The following GNA13 variants were observed in gnomAD, a reference collection of about 807,000 sequenced individuals.
The protein encoded by GNA13 is guanine nucleotide-binding protein subunit alpha-13.
In GNA13, 4 loss-of-function variants were observed where a neutral mutation model predicts 33.5. The observed-to-expected ratio is 0.12, with a 90% confidence interval of 0.06 to 0.27. The LOEUF is 0.27. GNA13 is among the 10% of genes least tolerant of loss of function. The pLI is 1.00. For missense variants in GNA13, 319 were observed against 487.2 expected (o/e 0.65, Z 3.25); for synonymous variants, 176 against 183.8 (o/e 0.96, Z 0.34).
rs1906221096 is a variant in GNA13 at position 65,012,348 on chromosome 17, A to G, written c.*1909T>C. ...GAATAGTCCAAATGTTACTGTGCAC[A>G]TATTCCGATATTCATTAGCACTGCA... On this transcript the variant is annotated 3_prime_UTR_variant, in exon 4 of 4. Transcript: ENST00000439174. The G allele has an allele frequency of 4.5e-6, 1 of 223,202 alleles. No homozygotes were observed. The allele number at this position is 223,202 out of a possible 1,614,324, so 13.8% of individuals were successfully genotyped here.
intron 2 of GNA13, among the ~76,000 whole-genome samples, chr17:65,025,526 C>T (rs892734983): frequency 6.6e-6 from 1 of 152,072 alleles, no homozygotes; most frequent in African/African-American, 2.4e-5. Flanking sequence ...TGCTGAGAAG[C>T]GCGGATGGGA....
intron 2 of GNA13, among the ~76,000 whole-genome samples, chr17:65,052,795 A>G (rs1056581978): frequency 6.6e-6 from 1 of 152,226 alleles, no homozygotes; most frequent in Non-Finnish European, 1.5e-5. Context: ...TTGGGAGGTC[A>G]AAGTGGGCAC....
rs1906183430 is a variant in GNA13 at position 65,011,373 on chromosome 17, GC to G, written c.*2883del. The G allele has an allele frequency of 5.1e-6, 1 of 196,302 alleles. No homozygotes were observed. Among genetic ancestry groups the G allele is most frequent in the Non-Finnish European group, 1.1e-5 (1 of 94,590 alleles). The allele number at this position is 196,302 out of a possible 1,614,324, so 12.2% of individuals were successfully genotyped here. A position where few individuals can be genotyped will look rare whatever the true frequency, so the allele number is the denominator to read the frequency against. On this transcript the variant is annotated 3_prime_UTR_variant, in exon 4 of 4. Coordinates refer to ENST00000439174, the MANE Select transcript of GNA13 (RefSeq NM_006572.6). ...TCATTCCATATTGCTTTCTTTGGTT[GC>G]AGAGCAATCCAGTGCCCTTTCCAGA...
Position 65,014,147 on chromosome 17 carries a change from T to C in GNA13, c.*110A>G, listed in dbSNP as rs756929176. On this transcript the variant is annotated 3_prime_UTR_variant, in exon 4 of 4. Transcript: ENST00000439174. The surrounding 1 kb of genome is among the most constrained non-coding windows in gnomAD (Gnocchi z 5.3). The stretch of plus-strand genomic sequence containing the variant: ...ACTAAGATTTTCAAGAAGTTAAACG[T>C]AGAATTAAGATTGTTCTAATTCTGG... 1.8e-4 allele frequency: 122 copies of C among 667,686 alleles called. No individual in the cohort carries two copies. Among genetic ancestry groups the C allele is most frequent in the Non-Finnish European group, 3.1e-4 (119 of 389,138 alleles). The allele number at this position is 667,686 out of a possible 1,614,324, so 41.4% of individuals were successfully genotyped here. A position where few individuals can be genotyped will look rare whatever the true frequency, so the allele number is the denominator to read the frequency against.
intron 2 of GNA13, among the ~76,000 whole-genome samples, chr17:65,018,853 G>A (rs759116465): frequency 3.3e-5 from 5 of 152,114 alleles, no homozygotes; most frequent in Non-Finnish European, 5.9e-5. Context: ...GTCTTTTCCC[G>A]AGTGGCCTAT....
chr17:65,038,179 C>T (rs1273199261), intron 2 of GNA13, among the ~76,000 whole-genome samples: 3 of 152,088 alleles, frequency 2.0e-5, no homozygotes, highest in Non-Finnish European at 4.4e-5. Context: ...CCGAGGCAGA[C>T]AGATCACAAG....
chr17:65,028,151 G>A (rs548752688), intron 2 of GNA13, among the ~76,000 whole-genome samples: 4 of 152,312 alleles, frequency 2.6e-5, no homozygotes, highest in Admixed American at 6.5e-5. Context: ...GCGTGAACCC[G>A]GGAGGCGGAG....
chr17:65,031,754 G>C (rs951463245), intron 2 of GNA13, among the ~76,000 whole-genome samples: 1 of 151,980 alleles, frequency 6.6e-6, no homozygotes, highest in African/African-American at 2.4e-5. Flanking sequence ...TTTTAAAAGA[G>C]ACCTAAGAGT....
chr17:65,056,251 A>ACCCCCCCCCC, intron 1 of GNA13, 60 bp downstream of exon 1: 5 of 740,726 alleles, frequency 6.8e-6, no homozygotes, highest in African/African-American at 1.9e-5. Context: ...CCCGCCCCGC[A>ACCCCCCCCCC]CCCGCCGCCG....
intron 2 of GNA13, among the ~76,000 whole-genome samples, chr17:65,027,311 C>T (rs1414635790): frequency 3.5e-5 from 3 of 85,272 alleles, no homozygotes; most frequent in Non-Finnish European, 7.9e-5. Context: ...ACCCCTCCCC[C>T]GCCTTTTTTT....
intron 2 of GNA13, among the ~76,000 whole-genome samples, chr17:65,035,389 T>G (rs1431456444): frequency 1.3e-5 from 2 of 152,162 alleles, no homozygotes; most frequent in Non-Finnish European, 2.9e-5. Flanking sequence ...GATATAAAGT[T>G]GTACAGAAAG....
intron 2 of GNA13, among the ~76,000 whole-genome samples, chr17:65,020,378 G>A (rs542377747): frequency 1.3e-5 from 2 of 152,204 alleles, no homozygotes; most frequent in African/African-American, 4.8e-5. Flanking sequence ...TGGTTCAATG[G>A]ATAACCAACC....
At chr17:65,039,530 G>A (rs1046528201) in intron 2 of GNA13, among the ~76,000 whole-genome samples, 3 of 152,168 alleles carry the variant, frequency 2.0e-5, no homozygotes, top group Non-Finnish European at 4.4e-5. Context: ...CCTGGATCAC[G>A]TTTTCTGACC....
intron 1 of GNA13, 29 bp downstream of exon 1, chr17:65,056,273 CTGCCCTTAA>C (rs1908055153): frequency 9.8e-6 from 14 of 1,428,172 alleles, no homozygotes; most frequent in Non-Finnish European, 1.2e-5. Context: ...CCCAGCCCCC[CTGCCCTTAA>C]CCCCCGGCCC....
chr17:65,029,638 G>A (rs1906929344), intron 2 of GNA13, among the ~76,000 whole-genome samples: 1 of 151,948 alleles, frequency 6.6e-6, no homozygotes, highest in Non-Finnish European at 1.5e-5. Flanking sequence ...TACCACTCAT[G>A]GCACTTCTTT....
intron 2 of GNA13, among the ~76,000 whole-genome samples, chr17:65,022,238 T>C (rs372979383): frequency 2.6e-5 from 4 of 152,182 alleles, no homozygotes; most frequent in East Asian, 1.9e-4. Flanking sequence ...GTATCGTCTA[T>C]GGGAACTTCC....
At chr17:65,026,236 C>T (rs1906778364) in intron 2 of GNA13, among the ~76,000 whole-genome samples, 1 of 151,270 alleles carries the variant, frequency 6.6e-6, no homozygotes. Flanking sequence ...ACACAAAAAT[C>T]ACATCCAACC....
In GNA13 at chr17:65,014,733, T is replaced by C. The variant is rs766915568; in HGVS notation, c.658A>G (p.Met220Val). The change falls in exon 4 of 4, where the codon ATG becomes GTG. Residue 220 changes from methionine to valine, a missense_variant. Coordinates refer to ENST00000439174, the MANE Select transcript of GNA13 (RefSeq NM_006572.6). This position sits in a 1 kb window ranked among gnomAD's most constrained non-coding sequence, Gnocchi z 5.3. ...DFEIKNVPFKMVDVGGQRSER... is the reference protein window; with the variant it reads ...DFEIKNVPFKVVDVGGQRSER... ...GATCTCTGACCACCTACATCAACCA[T>C]TTTGAAAGGAACATTTTTTATTTCA... 1 of 1,613,800 alleles carries C rather than the reference T, an allele frequency of 6.2e-7. No individual in the cohort carries two copies.
At chr17:65,043,768 T>C (rs1370007538) in intron 2 of GNA13, among the ~76,000 whole-genome samples, 1 of 151,982 alleles carries the variant, frequency 6.6e-6, no homozygotes, top group Non-Finnish European at 1.5e-5. Flanking sequence ...TCCACTAAAG[T>C]ATTCTGGATC....
Sources: gnomAD v4.1 joint callset for allele counts (sites outside exome capture counted in the v4.1 genomes callset) on GRCh38, gnomAD v4.1.1 for gene constraint, Gnocchi (gnomAD v3.1) non-coding constraint, MANE v1.5 for transcripts, NCBI Gene and HGNC (gene_info 2026-07-23, HGNC 2026-07-21) for gene names.